GPC5: variants seen among roughly 807,000 people sequenced by gnomAD.
GPC5 encodes the protein glypican 5.
A neutral mutation model predicts 53.9 loss-of-function variants in GPC5; 47 were observed. That is an observed-to-expected ratio of 0.87 (90% CI 0.69 to 1.11). GPC5 has a LOEUF of 1.11. GPC5 is among the 50% of genes most tolerant of loss of function. The pLI, the probability that GPC5 is intolerant of heterozygous loss-of-function variation, is 0.00. For missense variants in GPC5, 748 were observed against 713.1 expected (o/e 1.05, Z -0.56); for synonymous variants, 286 against 263.3 (o/e 1.09, Z -0.84).
At chr13:92,837,586 T>A (rs971356933) in intron 7 of GPC5, among the ~76,000 whole-genome samples, 3 of 152,126 alleles carry the variant, frequency 2.0e-5, no homozygotes, top group Non-Finnish European at 4.4e-5. Flanking sequence ...TCTCGAGATA[T>A]CTGTTGAATT....
chr13:92,206,847 C>T (rs1475578029), intron 7 of GPC5, among the ~76,000 whole-genome samples: 1 of 152,086 alleles, frequency 6.6e-6, no homozygotes, highest in Non-Finnish European at 1.5e-5. Flanking sequence ...ACCAAAATGT[C>T]TTCTAGACCA....
rs78917371 is a variant in GPC5 at position 92,079,965 on chromosome 13, G to T, written c.1402-64865G>T. On this transcript the variant is annotated intron_variant, in intron 6 of 7. Transcript: ENST00000377067. ...AGTCTTTGTATTATAGTCACCTACT[G>T]CTATCCTTTCATTTTACAATTCGTC... Among the ~76,000 whole-genome samples, 66 of 152,248 alleles carry T rather than the reference G, an allele frequency of 4.3e-4. 1 individual carries two copies. Among genetic ancestry groups the T allele is most frequent in the South Asian group, 1.2e-3 (6 of 4,822 alleles).
At chr13:91,533,921 A>G (rs1249681855) in intron 2 of GPC5, among the ~76,000 whole-genome samples, 1 of 152,190 alleles carries the variant, frequency 6.6e-6, no homozygotes, top group Non-Finnish European at 1.5e-5. Flanking sequence ...GATATTTCAG[A>G]TGAAATATTC....
intron 3 of GPC5, among the ~76,000 whole-genome samples, chr13:91,725,581 T>G (rs2036559631): frequency 6.6e-6 from 1 of 152,226 alleles, no homozygotes; most frequent in South Asian, 2.1e-4. Flanking sequence ...ATATATGCTT[T>G]TATCTTTGGA....
chr13:92,719,172 C>CCCA (rs979865351), intron 7 of GPC5, among the ~76,000 whole-genome samples: 2 of 150,114 alleles, frequency 1.3e-5, no homozygotes, highest in African/African-American at 4.9e-5. Flanking sequence ...CTATAGCCCC[C>CCCA]CCCCACATAA....
At chr13:91,505,472 C>T (rs1278294082) in intron 2 of GPC5, among the ~76,000 whole-genome samples, 1 of 152,192 alleles carries the variant, frequency 6.6e-6, no homozygotes, top group Non-Finnish European at 1.5e-5. Flanking sequence ...GTAGTGGGGA[C>T]ATGATGTGAC....
chr13:92,353,936 A>G (rs1211036372), intron 7 of GPC5, among the ~76,000 whole-genome samples: 1 of 152,228 alleles, frequency 6.6e-6, no homozygotes, highest in East Asian at 1.9e-4. Flanking sequence ...AAGAGAAGTT[A>G]GCTGTTTTGA....
chr13:91,884,296 A>G (rs1298040949), intron 5 of GPC5, among the ~76,000 whole-genome samples: 1 of 152,174 alleles, frequency 6.6e-6, no homozygotes, highest in African/African-American at 2.4e-5. Flanking sequence ...AGAAACATGC[A>G]TGCCTATGTT....
chr13:91,805,207 AC>A (rs2038201100), intron 5 of GPC5, among the ~76,000 whole-genome samples: 1 of 152,146 alleles, frequency 6.6e-6, no homozygotes, highest in South Asian at 2.1e-4. Flanking sequence ...TCCACGGCCA[AC>A]CCTCAAGTTC....
chr13:92,240,051 C>G (rs2042600304), intron 7 of GPC5: 1 of 151,888 alleles, frequency 6.6e-6, no homozygotes, highest in Non-Finnish European at 1.5e-5. Context: ...AAAAACTTCA[C>G]AAAAAATGAA....
At chr13:91,556,983 A>G (rs908614748) in intron 2 of GPC5, among the ~76,000 whole-genome samples, 1 of 152,076 alleles carries the variant, frequency 6.6e-6, no homozygotes, top group Non-Finnish European at 1.5e-5. Flanking sequence ...AAAAAATAAC[A>G]ACAACAAAAA....
chr13:91,564,526 A>G (rs1396978533), intron 2 of GPC5, among the ~76,000 whole-genome samples: 2 of 152,210 alleles, frequency 1.3e-5, no homozygotes, highest in African/African-American at 4.8e-5. Context: ...CGATTTAGCA[A>G]TCCAAGAAAA....
rs200264988 is a variant in GPC5, at chr13:92,663,814, CTA to C, written c.1562-202457_1562-202456del. Among the ~76,000 whole-genome samples, 1,044 of 131,210 alleles carry C rather than the reference CTA, an allele frequency of 8.0e-3. 20 individuals are homozygous for C. The highest frequency in any genetic ancestry group is 0.029 in the African/African-American group (969 of 33,586). 86.1% of individuals were successfully genotyped at this position (131,210 alleles called of 152,430 possible). The stretch of plus-strand genomic sequence containing the variant: ...TATACACACACTATATATATACACA[CTA>C]TATATATATACACACACTATATATA... On this transcript the variant is annotated intron_variant, in intron 7 of 7. Coordinates refer to ENST00000377067, the MANE Select transcript of GPC5 (RefSeq NM_004466.6).
At position 92,854,286 on chromosome 13, in the gene GPC5, T is replaced by A. The variant is rs192010099; in HGVS notation, c.1562-11996T>A. On this transcript the variant is annotated intron_variant, in intron 7 of 7. Transcript: ENST00000377067. ...ATTGAATATAGATATCCTATATATA[T>A]ATAGAAAAATATATATATTTATTGA... 1.8e-4 allele frequency among the ~76,000 whole-genome samples: 25 copies of A among 142,764 alleles called. No homozygotes were observed. In the East Asian group the frequency reaches 1.8e-3, roughly 10 times the overall value. The allele number at this position is 142,764 out of a possible 152,430, so 93.7% of individuals were successfully genotyped here.
At chr13:92,398,428 CAAAAAAA>C (rs35873316) in intron 7 of GPC5, among the ~76,000 whole-genome samples, 7 of 87,656 alleles carry the variant, frequency 8.0e-5, no homozygotes, top group African/African-American at 3.6e-4. Flanking sequence ...GACTCCGTCT[CAAAAAAA>C]AAAAAAAAAA....
chr13:92,152,179 A>G (rs1226678637), intron 7 of GPC5, among the ~76,000 whole-genome samples: 1 of 152,222 alleles, frequency 6.6e-6, no homozygotes, highest in Non-Finnish European at 1.5e-5. Flanking sequence ...TTGCTGGGCA[A>G]AGAGGAATGA....
chr13:91,532,411 CA>C (rs1184791166), intron 2 of GPC5, among the ~76,000 whole-genome samples: 1 of 151,878 alleles, frequency 6.6e-6, no homozygotes, highest in Non-Finnish European at 1.5e-5. Context: ...GGCTTTTTGT[CA>C]AAAAAAGTTT....
chr13:92,211,783 C>T (rs899246543), intron 7 of GPC5, among the ~76,000 whole-genome samples: 1 of 152,126 alleles, frequency 6.6e-6, no homozygotes, highest in Non-Finnish European at 1.5e-5. Flanking sequence ...ATTAGATAGG[C>T]TCAATCTGAT....
At chr13:92,737,656 A>G (rs72641078) in intron 7 of GPC5, among the ~76,000 whole-genome samples, 1 of 151,962 alleles carries the variant, frequency 6.6e-6, no homozygotes, top group Non-Finnish European at 1.5e-5. Flanking sequence ...CCAGAGTATC[A>G]GTAATACTCA....
Sources: gnomAD v4.1 joint callset for allele counts (sites outside exome capture counted in the v4.1 genomes callset) on GRCh38, gnomAD v4.1.1 for gene constraint, MANE v1.5 for transcripts, NCBI Gene and HGNC (gene_info 2026-07-23, HGNC 2026-07-21) for gene names.